THSD4: variants seen among roughly 807,000 people sequenced by gnomAD.
THSD4 encodes the protein thrombospondin type 1 domain containing 4.
THSD4 carries 69 observed loss-of-function variants against 119.0 expected under a neutral mutation model. The observed-to-expected ratio is 0.58, with a 90% confidence interval of 0.48 to 0.71. THSD4 has a LOEUF of 0.71. Among genes scored for constraint, THSD4 ranks in the 30% least tolerant of loss-of-function variants. THSD4 has a pLI of 0.00. For missense variants in THSD4, 1,393 were observed against 1,391.1 expected, an observed-to-expected ratio of 1.00 and a Z score of -0.02; for synonymous variants, 524 against 540.4, an observed-to-expected ratio of 0.97 and a Z score of 0.42.
intron 6 of THSD4, among the ~76,000 whole-genome samples, chr15:71,262,067 G>C (rs1435088587): frequency 2.0e-5 from 3 of 152,134 alleles, no homozygotes; most frequent in Admixed American, 2.0e-4. Context: ...TCTTGGTTTT[G>C]TTTGGATGTC....
intron 5 of THSD4, among the ~76,000 whole-genome samples, chr15:71,246,366 C>T (rs1482494014): frequency 2.6e-5 from 4 of 152,140 alleles, no homozygotes; most frequent in Non-Finnish European, 5.9e-5. Context: ...TGAAGAAATA[C>T]GTGGATGAAA....
chr15:71,661,601 G>A (rs2051309660), intron 8 of THSD4, among the ~76,000 whole-genome samples: 1 of 151,914 alleles, frequency 6.6e-6, no homozygotes, highest in Non-Finnish European at 1.5e-5. Context: ...TCACCATGTT[G>A]GCCAAGCTGG....
At chr15:71,763,845 A>T (rs1015878398) in intron 15 of THSD4, among the ~76,000 whole-genome samples, 2 of 151,988 alleles carry the variant, frequency 1.3e-5, no homozygotes, top group Non-Finnish European at 2.9e-5. Context: ...CAGGCAGATC[A>T]TTTGGGTTCA....
chr15:71,462,009 T>G (rs1351040473), intron 7 of THSD4, among the ~76,000 whole-genome samples: 1 of 152,202 alleles, frequency 6.6e-6, no homozygotes, highest in African/African-American at 2.4e-5. Flanking sequence ...TGGAAGCTCC[T>G]TCAGAGCTGA....
chr15:71,270,834 T>C (rs1232687305), intron 6 of THSD4, among the ~76,000 whole-genome samples: 3 of 30,396 alleles, frequency 9.9e-5, no homozygotes, highest in African/African-American at 3.0e-4. Context: ...CATCTCTCTT[T>C]TTTTTTTTTT....
intron 7 of THSD4, among the ~76,000 whole-genome samples, chr15:71,482,262 G>A (rs1391682572): frequency 6.6e-6 from 1 of 151,418 alleles, no homozygotes; most frequent in Non-Finnish European, 1.5e-5. Context: ...TGAGTTCAAG[G>A]CAGACAGAAA....
chr15:71,711,072 A>AATATATATATATGTATATATATACAT (rs3086741), intron 8 of THSD4, among the ~76,000 whole-genome samples: 31 of 147,860 alleles, frequency 2.1e-4, no homozygotes, highest in African/African-American at 7.2e-4. Context: ...TTGAAAGCAA[A>AATATATATATATGTATATATATACAT]ATATATATAT....
intron 3 of THSD4, among the ~76,000 whole-genome samples, chr15:71,193,088 G>A (rs1452935679): frequency 6.6e-6 from 1 of 152,212 alleles, no homozygotes; most frequent in Admixed American, 6.5e-5. Flanking sequence ...CTAGTGGGAT[G>A]GGCGGGGATC....
chr15:71,350,066 C>T (rs1238975175), intron 6 of THSD4, among the ~76,000 whole-genome samples: 1 of 149,112 alleles, frequency 6.7e-6, no homozygotes, highest in Non-Finnish European at 1.5e-5. Context: ...TATTCTAGCA[C>T]ATTTATAGTG....
intron 6 of THSD4, among the ~76,000 whole-genome samples, chr15:71,326,379 C>T (rs6494905): frequency 0.98 from 149,077 of 151,904 alleles, 73,214 homozygotes; most frequent in East Asian, 1. Flanking sequence ...GTGATGATAA[C>T]GGTGATAGTG....
At chr15:71,664,358 ATG>A (rs554737471) in intron 8 of THSD4, among the ~76,000 whole-genome samples, 42 of 151,926 alleles carry the variant, frequency 2.8e-4, no homozygotes, top group African/African-American at 1.0e-3. Flanking sequence ...GTTATTTGTC[ATG>A]CAAATAAAAC....
chr15:71,199,365 G>C (rs1314941368), intron 3 of THSD4, among the ~76,000 whole-genome samples: 4 of 152,052 alleles, frequency 2.6e-5, no homozygotes, highest in South Asian at 2.1e-4. Flanking sequence ...GCTGAGAGGT[G>C]TTCAGGACAT....
chr15:71,160,194 T>C (rs1222718632), intron 3 of THSD4, among the ~76,000 whole-genome samples: 1 of 152,156 alleles, frequency 6.6e-6, no homozygotes, highest in Non-Finnish European at 1.5e-5. Context: ...GAATAATATT[T>C]ATAATATGCT....
intron 7 of THSD4, among the ~76,000 whole-genome samples, chr15:71,646,880 A>G (rs1010543548): frequency 6.6e-6 from 1 of 152,178 alleles, no homozygotes; most frequent in African/African-American, 2.4e-5. Flanking sequence ...AATCACATAT[A>G]GGCATAATGC....
intron 8 of THSD4, among the ~76,000 whole-genome samples, chr15:71,721,680 C>T (rs2141113713): frequency 6.9e-6 from 1 of 145,976 alleles, no homozygotes; most frequent in Middle Eastern, 3.8e-3. Flanking sequence ...AAAAAAAAAA[C>T]CTAAATAAAT....
At chr15:71,543,266 T>C (rs1180444668) in intron 7 of THSD4, among the ~76,000 whole-genome samples, 4 of 152,150 alleles carry the variant, frequency 2.6e-5, no homozygotes, top group African/African-American at 9.7e-5. Context: ...AGAAAAAAGT[T>C]AGAAAAAAAT....
chr15:71,528,689 G>A (rs2048564366), intron 7 of THSD4, among the ~76,000 whole-genome samples: 1 of 152,136 alleles, frequency 6.6e-6, no homozygotes, highest in Non-Finnish European at 1.5e-5. Context: ...TTTTGTTACT[G>A]ACACTGGAAT....
intron 6 of THSD4, among the ~76,000 whole-genome samples, chr15:71,347,694 T>C (rs1256352042): frequency 2.6e-5 from 4 of 152,282 alleles, no homozygotes; most frequent in Non-Finnish European, 5.9e-5. Context: ...TAAAATTCAG[T>C]TTCTCACTTG....
chr15:71,539,368 A>G (rs992789545), intron 7 of THSD4, among the ~76,000 whole-genome samples: 1 of 152,228 alleles, frequency 6.6e-6, no homozygotes, highest in South Asian at 2.1e-4. Context: ...AGAAATAAAC[A>G]TAGTTTGAAC....
Sources: allele counts gnomAD v4.1 joint callset (sites outside exome capture counted in the v4.1 genomes callset), GRCh38; gene constraint gnomAD v4.1.1; transcripts MANE v1.5; gene names NCBI Gene and HGNC (gene_info 2026-07-23, HGNC 2026-07-21).